PRKAA1: variants seen among roughly 807,000 people sequenced by gnomAD.
The protein encoded by PRKAA1 is protein kinase AMP-activated catalytic subunit alpha 1.
PRKAA1 carries 23 observed loss-of-function variants against 56.9 expected under a neutral mutation model. The ratio of observed to expected loss-of-function variants is 0.40; its 90% CI spans 0.29 to 0.57. PRKAA1 has a LOEUF of 0.57. Among genes scored for constraint, PRKAA1 ranks in the 20% least tolerant of loss-of-function variants. The pLI, the probability that PRKAA1 is intolerant of heterozygous loss-of-function variation, is 0.39. For missense variants in PRKAA1, 413 were observed against 679.7 expected (o/e 0.61, Z 4.36); for synonymous variants, 226 against 227.0 (o/e 1.00, Z 0.04).
At chr5:40,781,637 T>C (rs1744270988) in intron 1 of PRKAA1, among the ~76,000 whole-genome samples, 1 of 151,820 alleles carries the variant, frequency 6.6e-6, no homozygotes, top group African/African-American at 2.4e-5. Flanking sequence ...ATGAAAAAAA[T>C]GAGATAATTC....
intron 1 of PRKAA1, among the ~76,000 whole-genome samples, chr5:40,780,330 T>C (rs1744215905): frequency 6.6e-6 from 1 of 152,156 alleles, no homozygotes; most frequent in South Asian, 2.1e-4. Flanking sequence ...ACAGGTCTCT[T>C]CCACTGTGCT....
At chr5:40,793,882 A>C (rs1279943503) in intron 1 of PRKAA1, among the ~76,000 whole-genome samples, 1 of 152,118 alleles carries the variant, frequency 6.6e-6, no homozygotes. Flanking sequence ...GGGTGGGATC[A>C]CCTGAGGTCA....
At chr5:40,794,111 A>T (rs529868209) in intron 1 of PRKAA1, among the ~76,000 whole-genome samples, 3 of 152,086 alleles carry the variant, frequency 2.0e-5, no homozygotes, top group South Asian at 4.2e-4. Context: ...CAAAAAAAAA[A>T]AAAAGTGTTC....
At chr5:40,772,660 G>T (rs1297542638) in intron 3 of PRKAA1, among the ~76,000 whole-genome samples, 1 of 151,906 alleles carries the variant, frequency 6.6e-6, no homozygotes, top group Non-Finnish European at 1.5e-5. Flanking sequence ...TTGAGATCCA[G>T]TCTCGTTCTG....
rs1175516950 is a variant in PRKAA1 at position 40,764,903 on chromosome 5, C to T, written c.1157G>A (p.Arg386His). The change falls in exon 7 of 9, where the codon CGC becomes CAC. Residue 386 changes from arginine (R) to histidine (H), a missense_variant. Physicochemically the swap from Arg to His is conservative, Grantham distance 29. This residue lies in a region of PRKAA1 where 50 missense variants were observed against 87.7 expected (regional missense o/e 0.57). Transcript: ENST00000397128. Reference protein sequence around the residue: ...PFLVAETPRARHTLDELNPQK... With the variant: ...PFLVAETPRAHHTLDELNPQK... Reference sequence around the variant, plus strand: ...TGGATTTAATTCATCAAGGGTATGGCGTGCCCTTGGTGTTTCAGCAACCAA... The same window carrying T: ...TGGATTTAATTCATCAAGGGTATGGTGTGCCCTTGGTGTTTCAGCAACCAA... 13 of 1,614,000 alleles carry T rather than the reference C, an allele frequency of 8.1e-6. No individual in the cohort carries two copies. The highest frequency in any genetic ancestry group is 1.7e-5 in the Admixed American group (1 of 59,990).
At chr5:40,783,080 T>C (rs1744327042) in intron 1 of PRKAA1, among the ~76,000 whole-genome samples, 1 of 152,142 alleles carries the variant, frequency 6.6e-6, no homozygotes, top group Non-Finnish European at 1.5e-5. Flanking sequence ...TGCCAAGAGA[T>C]CATTCAAATT....
intron 5 of PRKAA1, 41 bp from the exon 6 acceptor site, chr5:40,767,731 A>T (rs963126200): frequency 1.3e-6 from 2 of 1,501,530 alleles, no homozygotes; most frequent in African/African-American, 2.8e-5. Context: ...AATCATTTTA[A>T]CCTAAGATTC....
chr5:40,771,688 G>C, intron 4 of PRKAA1, 31 bp downstream of exon 4: 1 of 1,577,200 alleles, frequency 6.3e-7, no homozygotes, highest in Non-Finnish European at 8.6e-7. Flanking sequence ...CATTAGAAAT[G>C]AACGTTAAGA....
At chr5:40,774,852 T>C (rs1743922147) in intron 3 of PRKAA1, 2 of 1,215,932 alleles carry the variant, frequency 1.6e-6, no homozygotes. Context: ...AGTTTTTGTA[T>C]CTGTAACTTA....
At chr5:40,766,363 A>T (rs575917458) in intron 6 of PRKAA1, among the ~76,000 whole-genome samples, 15 of 152,298 alleles carry the variant, frequency 9.8e-5, no homozygotes, top group Admixed American at 4.6e-4. Context: ...CAGTCTAGCC[A>T]TTAGAAGACC....
At chr5:40,788,288 T>C (rs1744578772) in intron 1 of PRKAA1, among the ~76,000 whole-genome samples, 2 of 152,208 alleles carry the variant, frequency 1.3e-5, no homozygotes, top group South Asian at 4.1e-4. Flanking sequence ...GTCTCTTCAA[T>C]AATGTCATTT....
intron 1 of PRKAA1, among the ~76,000 whole-genome samples, chr5:40,797,671 A>C (rs1744988137): frequency 6.6e-6 from 1 of 152,232 alleles, no homozygotes; most frequent in Non-Finnish European, 1.5e-5. Flanking sequence ...CCCTGAGCCA[A>C]GGGAGCACAA....
intron 1 of PRKAA1, among the ~76,000 whole-genome samples, chr5:40,783,850 C>T (rs1234969858): frequency 6.6e-6 from 1 of 152,044 alleles, no homozygotes; most frequent in Non-Finnish European, 1.5e-5. Flanking sequence ...AGGGTTGAAC[C>T]CCTAATTCCA....
chr5:40,767,248 A>G (rs1362365111), intron 6 of PRKAA1, among the ~76,000 whole-genome samples: 2 of 152,158 alleles, frequency 1.3e-5, no homozygotes, highest in East Asian at 3.8e-4. Flanking sequence ...GTGTAAGTAA[A>G]AAGTGAAAGC....
chr5:40,775,087 C>A, intron 3 of PRKAA1: 2 of 864,870 alleles, frequency 2.3e-6, no homozygotes, highest in Non-Finnish European at 1.8e-6. Flanking sequence ...GATACATATT[C>A]AAAGTATTTG....
chr5:40,788,375 G>T (rs1744581714), intron 1 of PRKAA1, among the ~76,000 whole-genome samples: 1 of 152,122 alleles, frequency 6.6e-6, no homozygotes, highest in South Asian at 2.1e-4. Flanking sequence ...AACTTAAAAT[G>T]GATTAAATTT....
intron 1 of PRKAA1, among the ~76,000 whole-genome samples, chr5:40,780,130 G>A (rs1389525807): frequency 2.0e-5 from 3 of 152,114 alleles, no homozygotes; most frequent in East Asian, 1.9e-4. Context: ...AGACTAGAGC[G>A]GTTGTGGTCT....
chr5:40,768,724 G>GAA, intron 5 of PRKAA1: 1 of 1,303,126 alleles, frequency 7.7e-7, no homozygotes, highest in South Asian at 2.2e-5. Flanking sequence ...TGGTTTGGGT[G>GAA]AAAAGTTATT....
At chr5:40,789,311 T>G (rs931743801) in intron 1 of PRKAA1, among the ~76,000 whole-genome samples, 1 of 152,048 alleles carries the variant, frequency 6.6e-6, no homozygotes, top group Non-Finnish European at 1.5e-5. Context: ...AAAGCCACAA[T>G]AAGGTATCAC....
Sources: gnomAD v4.1 joint callset for allele counts (sites outside exome capture counted in the v4.1 genomes callset) on GRCh38, gnomAD v4.1.1 for gene constraint, gnomAD v4.1.1 regional missense constraint, MANE v1.5 for transcripts, NCBI Gene and HGNC (gene_info 2026-07-23, HGNC 2026-07-21) for gene names.